IARS1: variants seen among roughly 807,000 people sequenced by gnomAD.
IARS1 encodes the protein isoleucyl-tRNA synthetase 1, also known as isoleucine--tRNA ligase, cytoplasmic.
A neutral mutation model predicts 168.2 loss-of-function variants in IARS1; 124 were observed. The ratio of observed to expected loss-of-function variants is 0.74; its 90% CI spans 0.64 to 0.86. The LOEUF is 0.86. Ranked by LOEUF, IARS1 falls within the 40% of genes least tolerant of loss-of-function variation. The pLI is 0.00. For missense variants in IARS1, 1,452 were observed against 1,515.8 expected, an observed-to-expected ratio of 0.96 and a Z score of 0.70; for synonymous variants, 532 against 529.4, an observed-to-expected ratio of 1.00 and a Z score of -0.07.
chr9:92,286,578 T>C lies in IARS1; in HGVS notation c.437A>G (p.Asn146Ser), dbSNP rs748781090. 1.4e-5 allele frequency: 23 copies of C among 1,601,808 alleles called. No homozygotes were observed. The highest frequency in any genetic ancestry group is 2.2e-5 in the East Asian group (1 of 44,786). ...SRLGRWIDFD[N>S]DYKTLYPQFM... ...TTGTGGATACAGAGTTTTATAGTCA[T>C]TGTCAAAGTCAATCCATCGGCCAAG... Residue 146 changes from asparagine (N) to serine (S), a missense_variant, in exon 5 of 34, where the codon AAT becomes AGT. Physicochemically the swap from Asn to Ser is conservative, Grantham distance 46. Transcript: ENST00000443024.
intron 30 of IARS1, among the ~76,000 whole-genome samples, chr9:92,239,203 C>T (rs1827992462): frequency 6.6e-6 from 1 of 152,130 alleles, no homozygotes. Flanking sequence ...GTGGTAAGAA[C>T]ATCCTTTAGC....
intron 33 of IARS1, among the ~76,000 whole-genome samples, 168 bp downstream of exon 33, chr9:92,222,340 CAAAAAAAAAAAA>C (rs60335070): frequency 1.1e-3 from 63 of 55,374 alleles, no homozygotes; most frequent in Non-Finnish European, 3.2e-4. Context: ...GACTCAGTCT[CAAAAAAAAAAAA>C]AAAAAAAAAA....
Position 92,260,184 on chromosome 9 carries a change from G to C in IARS1, c.1838C>G (p.Ser613Cys). Residue 613 changes from serine (S) to cysteine (C), a missense_variant, in exon 18 of 34, where the codon TCC (serine) becomes TGC (cysteine). Transcript: ENST00000443024. ...ATCAGCACCATACTTCTGGATGATG[G>C]AAACTGGATCTGGATAATTCTTTTT... The part of the protein sequence containing the change: ...KRKKNYPDPV[S>C]IIQKYGADAL... 1.9e-6 allele frequency: 3 copies of C among 1,614,148 alleles called. No homozygotes were observed. The South Asian group carries it at 3.3e-5, about 18-fold the overall frequency.
chr9:92,293,279 G>T (rs1002316604), intron 1 of IARS1, among the ~76,000 whole-genome samples: 4 of 151,954 alleles, frequency 2.6e-5, no homozygotes, highest in African/African-American at 7.3e-5. Flanking sequence ...CATGGTGACT[G>T]AAGTAAATTA....
intron 12 of IARS1, among the ~76,000 whole-genome samples, chr9:92,270,777 C>T (rs1481253347): frequency 6.6e-6 from 1 of 152,100 alleles, no homozygotes; most frequent in Non-Finnish European, 1.5e-5. Context: ...GCCTGGGCGT[C>T]AGAGTGAGAC....
At chr9:92,259,113 G>T (rs1175068221) in intron 18 of IARS1, 115 bp from the exon 19 acceptor site, 4 of 905,464 alleles carry the variant, frequency 4.4e-6, no homozygotes, top group Non-Finnish European at 6.5e-6. Context: ...ACAAAAGGGG[G>T]TAATTATGAA....
At chr9:92,260,661 GAAAC>G (rs1411850235) in intron 17 of IARS1, among the ~76,000 whole-genome samples, 2 of 151,892 alleles carry the variant, frequency 1.3e-5, no homozygotes, top group East Asian at 1.9e-4. Flanking sequence ...TCTCAAAAAA[GAAAC>G]AAACAGTGTT....
Position 92,250,178 on chromosome 9 carries a change from A to G in IARS1, c.2532+9T>C. 1 of 1,569,050 alleles carries G rather than the reference A, an allele frequency of 6.4e-7. No individual in the cohort carries two copies. Among genetic ancestry groups the G allele is most frequent in the East Asian group, 2.2e-5 (1 of 44,640 alleles). The stretch of plus-strand genomic sequence containing the variant: ...CTGTGCCATGTAAAATAGAAGTAAA[A>G]TTTCAAACCTTTATGGGAATAGTTT... On this transcript the variant is annotated intron_variant, in intron 24 of 33. Transcript: ENST00000443024.
chr9:92,260,790 T>A (rs1281908687), intron 17 of IARS1, among the ~76,000 whole-genome samples: 2 of 152,172 alleles, frequency 1.3e-5, no homozygotes, highest in East Asian at 3.8e-4. Flanking sequence ...TCAGAATATA[T>A]CCCAAAGAAA....
At position 92,241,019 on chromosome 9, in the gene IARS1, A is replaced by G. The variant is rs550830895; in HGVS notation, c.3178-58T>C. ...GTGGCACCTGACTGCAATGTGCCAC[A>G]CCATCGTGTAACACAGTGACTTCTC... On this transcript the variant is annotated intron_variant, in intron 29 of 33. Transcript: ENST00000443024. 9 of 933,112 alleles carry G rather than the reference A, an allele frequency of 9.6e-6. No homozygotes were observed. In the South Asian group the frequency reaches 1.2e-4, roughly 12 times the overall value. The allele number at this position is 933,112 out of a possible 1,614,324, so 57.8% of individuals were successfully genotyped here. A position where few individuals can be genotyped will look rare whatever the true frequency, so the allele number is the denominator to read the frequency against.
At position 92,278,213 on chromosome 9, in the gene IARS1, A is replaced by G. The variant is rs1834034929; in HGVS notation, c.819T>C (p.Tyr273=). The G allele has an allele frequency of 1.3e-6, 2 of 1,592,100 alleles. No individual in the cohort carries two copies. The highest frequency in any genetic ancestry group is 1.7e-4 in the Middle Eastern group (1 of 6,026). Reference sequence around the variant, plus strand: ...TGAATATTCACCTTTCAAGGATCTCATAGTCACTCTCCAATTTATAGAGGG... The same window carrying G: ...TGAATATTCACCTTTCAAGGATCTCGTAGTCACTCTCCAATTTATAGAGGG... ...LSALYKLESD[Y]EILERFPGAY... The change falls in exon 8 of 34, where the codon TAT becomes TAC. Residue 273 remains tyrosine, a synonymous_variant. Transcript: ENST00000443024.
chr9:92,240,530 G>T (rs1828222674), intron 30 of IARS1: 1 of 616,464 alleles, frequency 1.6e-6, no homozygotes, highest in Non-Finnish European at 2.9e-6. Context: ...AAAGTGCTGG[G>T]ATTACAGGTG....
chr9:92,248,407 G>A (rs529273856), intron 25 of IARS1, among the ~76,000 whole-genome samples: 20 of 152,108 alleles, frequency 1.3e-4, no homozygotes, highest in Non-Finnish European at 1.9e-4. Context: ...GTGTGGTGGC[G>A]CAAACTTGTA....
At chr9:92,293,137 T>C (rs750664357) in intron 1 of IARS1, among the ~76,000 whole-genome samples, 1 of 152,236 alleles carries the variant, frequency 6.6e-6, no homozygotes, top group Non-Finnish European at 1.5e-5. Context: ...CTCAAACGTT[T>C]CCTCAATTTA....
intron 32 of IARS1, 149 bp from the exon 33 acceptor site, chr9:92,222,821 T>C (rs1409258287): frequency 3.3e-5 from 20 of 607,670 alleles, no homozygotes; most frequent in African/African-American, 1.9e-4. Context: ...ATGCAGTCCA[T>C]GCAGAAACAG....
At chr9:92,265,175 T>G (rs1452459511) in intron 15 of IARS1, 52 bp from the exon 16 acceptor site, 2 of 1,466,222 alleles carry the variant, frequency 1.4e-6, no homozygotes, top group Non-Finnish European at 1.9e-6. Context: ...TAACAGAACT[T>G]GCAGTTTAAT....
intron 30 of IARS1, among the ~76,000 whole-genome samples, chr9:92,238,456 C>T (rs956818361): frequency 3.9e-5 from 6 of 152,134 alleles, no homozygotes; most frequent in Non-Finnish European, 7.3e-5. Context: ...ATCTTGCTCC[C>T]TCTCTTCATC....
chr9:92,240,440 T>A, intron 30 of IARS1: 1 of 489,338 alleles, frequency 2.0e-6, no homozygotes. Flanking sequence ...ATTTTGGTAT[T>A]TTTAGTAGAG....
In IARS1 at chr9:92,265,073, C is replaced by A. The variant is rs147238476; in HGVS notation, c.1556G>T (p.Arg519Leu). 2 of 1,613,918 alleles carry A rather than the reference C, an allele frequency of 1.2e-6. No individual in the cohort carries two copies. Among genetic ancestry groups the A allele is most frequent in the Non-Finnish European group, 1.7e-6 (2 of 1,179,964 alleles). Residue 519 changes from arginine (R) to leucine (L), a missense_variant, in exon 16 of 34, where the codon CGC becomes CTC. Physicochemically the swap from Arg to Leu is moderately radical, Grantham distance 102. Coordinates refer to ENST00000443024, the MANE Select transcript of IARS1 (RefSeq NM_002161.6). The stretch of plus-strand genomic sequence containing the variant: ...CCAACAGTCAAACACTTCAGAGATG[C>A]GGTGCAAGGATCCCTTCCCACAGCG... ...PSRCGKGSLHRISEVFDCWFE... is the reference protein window; with the variant it reads ...PSRCGKGSLHLISEVFDCWFE...
Sources: gnomAD v4.1 joint callset for allele counts (sites outside exome capture counted in the v4.1 genomes callset) on GRCh38, gnomAD v4.1.1 for gene constraint, MANE v1.5 for transcripts, NCBI Gene and HGNC (gene_info 2026-07-23, HGNC 2026-07-21) for gene names.